Variants in LYN observed in about 807,000 individuals in gnomAD.
LYN encodes LYN proto-oncogene, Src family tyrosine kinase.
A neutral mutation model predicts 65.0 loss-of-function variants in LYN; 12 were observed. The ratio of observed to expected loss-of-function variants is 0.18; its 90% CI spans 0.12 to 0.30. LYN has a LOEUF of 0.30. Among genes scored for constraint, LYN ranks in the 10% least tolerant of loss-of-function variants. LYN has a pLI of 1.00. For synonymous variants in LYN, 222 were observed against 221.2 expected, an observed-to-expected ratio of 1.00 and a Z score of -0.03; for missense variants, 380 against 623.2, an observed-to-expected ratio of 0.61 and a Z score of 4.16.
intron 1 of LYN, among the ~76,000 whole-genome samples, chr8:55,924,822 C>T (rs901794602): frequency 2.6e-5 from 4 of 152,148 alleles, no homozygotes; most frequent in Admixed American, 2.6e-4. Context: ...GCTTTGGCTT[C>T]AAGCTTAGTC....
At chr8:55,996,193 G>A (rs1174187898) in intron 10 of LYN, among the ~76,000 whole-genome samples, 2 of 152,194 alleles carry the variant, frequency 1.3e-5, no homozygotes, top group East Asian at 3.8e-4. Flanking sequence ...GCTGCAGATG[G>A]TTTTTGTACA....
intron 8 of LYN, among the ~76,000 whole-genome samples, chr8:55,966,187 T>C (rs1807452646): frequency 6.6e-6 from 1 of 152,188 alleles, no homozygotes; most frequent in South Asian, 2.1e-4. Flanking sequence ...TTTTTGCTAC[T>C]ATTTCATAGA....
chr8:55,924,112 T>C (rs1806024924), intron 1 of LYN, among the ~76,000 whole-genome samples: 1 of 151,734 alleles, frequency 6.6e-6, no homozygotes, highest in African/African-American at 2.4e-5. Context: ...GTTTTACAAA[T>C]ATATGCTGCT....
chr8:55,925,800 A>T (rs1806091392), intron 1 of LYN, among the ~76,000 whole-genome samples: 1 of 152,128 alleles, frequency 6.6e-6, no homozygotes, highest in South Asian at 2.1e-4. Context: ...TTGATTTTTA[A>T]TTTTTACAAC....
chr8:56,008,123 A>AAAAAAATAAAT (rs145011760), intron 12 of LYN, among the ~76,000 whole-genome samples: 17 of 140,780 alleles, frequency 1.2e-4, no homozygotes, highest in African/African-American at 4.4e-4. Flanking sequence ...TGCCTCAAAA[A>AAAAAAATAAAT]AAAAATAAAA....
chr8:55,998,309 C>A, intron 10 of LYN, 37 bp from the exon 11 acceptor site: 1 of 1,577,324 alleles, frequency 6.3e-7, no homozygotes, highest in African/African-American at 1.3e-5. Flanking sequence ...AGTCACCTAC[C>A]CTACATATGA....
chr8:55,985,812 T>C (rs923183534), intron 10 of LYN, among the ~76,000 whole-genome samples: 1 of 152,076 alleles, frequency 6.6e-6, no homozygotes, highest in African/African-American at 2.4e-5. Context: ...TGTGGTTGGA[T>C]GGAAGGGGGA....
At chr8:55,952,175 G>A (rs1806969669) in intron 7 of LYN, 60 bp downstream of exon 7, 25 of 1,355,138 alleles carry the variant, frequency 1.8e-5, no homozygotes, top group Non-Finnish European at 2.3e-5. Context: ...TGTATAAGAC[G>A]TCAAACGCTA....
At chr8:55,937,664 T>C (rs1806474579) in intron 1 of LYN, among the ~76,000 whole-genome samples, 1 of 152,214 alleles carries the variant, frequency 6.6e-6, no homozygotes, top group South Asian at 2.1e-4. Flanking sequence ...ACCAAAACCC[T>C]ACTGCCTCTG....
chr8:55,923,104 G>A (rs1306388698), intron 1 of LYN, among the ~76,000 whole-genome samples: 1 of 152,142 alleles, frequency 6.6e-6, no homozygotes, highest in Non-Finnish European at 1.5e-5. Flanking sequence ...TTTGAGCCTC[G>A]GGTGACTGGA....
At chr8:55,891,935 A>G (rs1804973602) in intron 1 of LYN, among the ~76,000 whole-genome samples, 2 of 152,178 alleles carry the variant, frequency 1.3e-5, no homozygotes, top group African/African-American at 4.8e-5. Flanking sequence ...GGCTGACAGT[A>G]TATTGAAATG....
chr8:55,940,851 T>C (rs1806590086), intron 1 of LYN, among the ~76,000 whole-genome samples: 1 of 152,226 alleles, frequency 6.6e-6, no homozygotes, highest in Non-Finnish European at 1.5e-5. Context: ...TGTGTTGTTC[T>C]GCCCTGGTCA....
chr8:55,911,592 T>C (rs1176955042), intron 1 of LYN, among the ~76,000 whole-genome samples: 1 of 151,922 alleles, frequency 6.6e-6, no homozygotes, highest in Non-Finnish European at 1.5e-5. Context: ...GAAGTCTGAA[T>C]TGGGGAAGTA....
intron 12 of LYN, among the ~76,000 whole-genome samples, chr8:56,006,805 G>A (rs562711086): frequency 3.3e-4 from 51 of 152,364 alleles, no homozygotes; most frequent in Non-Finnish European, 5.9e-4. Context: ...TTAACTTAGC[G>A]ACAGGCCAAC....
chr8:55,902,907 G>A (rs545523359), intron 1 of LYN: 6 of 359,026 alleles, frequency 1.7e-5, no homozygotes, highest in African/African-American at 6.5e-5. Context: ...GGAGTGCAGC[G>A]GCGCAATCTC....
chr8:55,928,247 G>A (rs1370640855), intron 1 of LYN, among the ~76,000 whole-genome samples: 1 of 152,206 alleles, frequency 6.6e-6, no homozygotes, highest in Non-Finnish European at 1.5e-5. Flanking sequence ...CTGAGTTCAA[G>A]TGATTCTCAT....
chr8:55,892,156 C>T (rs1051176687), intron 1 of LYN, among the ~76,000 whole-genome samples: 17 of 152,224 alleles, frequency 1.1e-4, no homozygotes, highest in Admixed American at 1.0e-3. Context: ...GGCGCAGTGG[C>T]GCACACCTGT....
At chr8:56,006,319 G>T (rs1187774610) in intron 12 of LYN, among the ~76,000 whole-genome samples, 1 of 152,094 alleles carries the variant, frequency 6.6e-6, no homozygotes, top group Admixed American at 6.6e-5. Context: ...AATAATAATA[G>T]TAATAATAAT....
At chr8:56,008,534 A>G (rs1808735633) in intron 12 of LYN, among the ~76,000 whole-genome samples, 1 of 152,286 alleles carries the variant, frequency 6.6e-6, no homozygotes, top group South Asian at 2.1e-4. Flanking sequence ...AGATACTGCT[A>G]GATGAGCACA....
Sources: gnomAD v4.1 joint callset for allele counts (sites outside exome capture counted in the v4.1 genomes callset) on GRCh38, gnomAD v4.1.1 for gene constraint, MANE v1.5 for transcripts, NCBI Gene and HGNC (gene_info 2026-07-23, HGNC 2026-07-21) for gene names.